Variants in KRT7 observed in about 807,000 individuals in gnomAD.
The protein encoded by KRT7 is keratin 7.
A neutral mutation model predicts 42.8 loss-of-function variants in KRT7; 50 were observed. The observed-to-expected ratio is 1.17, with a 90% CI of 0.93 to 1.48. The LOEUF is 1.48. Among genes scored for constraint, KRT7 ranks in the 40% most tolerant of loss-of-function variants. KRT7 has a pLI of 0.00. For missense variants in KRT7, 588 were observed against 637.6 expected (o/e 0.92, Z 0.84); for synonymous variants, 268 against 266.3 (o/e 1.01, Z -0.06).
intron 2 of KRT7, 39 bp from the exon 3 acceptor site, chr12:52,237,469 AG>A (rs756344182): frequency 1.2e-5 from 18 of 1,479,084 alleles, no homozygotes; most frequent in Non-Finnish European, 8.4e-6. Context: ...GGGAGCATGG[AG>A]GCAAAGCTGC....
chr12:52,237,726 A>ATGTGTGTGTG lies in KRT7; in HGVS notation c.597+184_597+193dup, dbSNP rs10546862. On this transcript the variant is annotated intron_variant, in intron 3 of 8. Coordinates refer to ENST00000331817, the MANE Select transcript of KRT7 (RefSeq NM_005556.4). ...CACAGCCTGTCCTGTGGGTGCGTGT[A>ATGTGTGTGTG]TGTGTGTGTGTGTGTGTGTGTGTGT... 3,180 of 346,238 alleles carry ATGTGTGTGTG rather than the reference A, an allele frequency of 9.2e-3. 27 individuals are homozygous for ATGTGTGTGTG. The highest frequency in any genetic ancestry group is 0.022 in the African/African-American group (997 of 45,394). The allele number at this position is 346,238 out of a possible 1,614,324, so 21.4% of individuals were successfully genotyped here. A position where few individuals can be genotyped will look rare whatever the true frequency, so the allele number is the denominator to read the frequency against.
downstream of KRT7, among the ~76,000 whole-genome samples, chr12:52,249,903 C>T (rs1942237429): frequency 6.6e-6 from 1 of 152,126 alleles, no homozygotes; most frequent in African/African-American, 2.4e-5. Context: ...CCAGCAGCCA[C>T]AGTGATGGGG....
chr12:52,237,583 A>T lies in KRT7; in HGVS notation c.597+14A>T. On this transcript the variant is annotated intron_variant, in intron 3 of 8. Transcript: ENST00000331817. ...GTGCTGAAGAAGGTGAGTGGGAAAGACAGGCTCGAGGAGGGTTGTCTGAAA... is the reference window on the plus strand; with the variant it reads ...GTGCTGAAGAAGGTGAGTGGGAAAGTCAGGCTCGAGGAGGGTTGTCTGAAA... The T allele has an allele frequency of 6.3e-7, 1 of 1,587,624 alleles. No homozygotes were observed. The highest frequency in any genetic ancestry group is 8.5e-7 in the Non-Finnish European group (1 of 1,170,910).
rs755966415 is a variant in KRT7, at chr12:52,245,533, C to A, written c.1106C>A (p.Ala369Glu). The change falls in exon 7 of 9, where the codon GCA becomes GAA. Residue 369 changes from alanine (A) to glutamate (E), a missense_variant. Coordinates refer to ENST00000331817, the MANE Select transcript of KRT7 (RefSeq NM_005556.4). ...CTGCAGCGGGGCAAGCAGGATATGG[C>A]ACGGCAGCTGCGTGAGTACCAGGAA... ...AALQRGKQDM[A>E]RQLREYQELM... 6.2e-6 allele frequency: 10 copies of A among 1,614,138 alleles called. No individual in the cohort carries two copies. In the South Asian group the frequency reaches 1.1e-4, roughly 18 times the overall value.
At chr12:52,250,579 C>T (rs547145805), downstream of KRT7, 937 of 1,266,700 alleles carry the variant, frequency 7.4e-4, 1 homozygote, top group Non-Finnish European at 9.0e-4. Flanking sequence ...CTGCCCGTCA[C>T]CGGCCGGGAG....
intron 7 of KRT7, 59 bp from the exon 8 acceptor site, chr12:52,248,118 G>A: frequency 6.6e-7 from 1 of 1,520,518 alleles, no homozygotes; most frequent in Non-Finnish European, 9.1e-7. Flanking sequence ...AGAGGGCTGA[G>A]AGCGCTTCCC....
chr12:52,250,637 G>C, downstream of KRT7: 2 of 784,030 alleles, frequency 2.6e-6, no homozygotes, highest in Non-Finnish European at 4.2e-6. Context: ...GAGAGCTGCT[G>C]ACACCTGCCA....
chr12:52,235,379 G>A lies in KRT7; in HGVS notation c.536+13G>A. On this transcript the variant is annotated intron_variant, in intron 2 of 8. Coordinates refer to ENST00000331817, the MANE Select transcript of KRT7 (RefSeq NM_005556.4). ...ACTTCAAGAATAAGTAATGCCCCCT[G>A]TGCCACATGCGAAGACCCCTGCCCC... 1.3e-6 allele frequency: 2 copies of A among 1,595,862 alleles called. No homozygotes were observed. The highest frequency in any genetic ancestry group is 2.2e-4 in the Middle Eastern group (1 of 4,582).
intron 2 of KRT7, among the ~76,000 whole-genome samples, chr12:52,236,458 A>G (rs1380455808): frequency 1.3e-5 from 2 of 150,556 alleles, no homozygotes; most frequent in Non-Finnish European, 3.0e-5. Flanking sequence ...AAGGGAGTCC[A>G]GGGAAGGAGT....
At position 52,241,578 on chromosome 12, in the gene KRT7, A is replaced by C. The variant is rs866739676; in HGVS notation, c.800A>C (p.Gln267Pro). ...GGCATCATCGCTGAGGTCAAGGCGC[A>C]GTATGAGGAGATGGCCAAATGCAGC... ...LDGIIAEVKA[Q>P]YEEMAKCSRA... The change falls in exon 5 of 9, where the codon CAG becomes CCG. Residue 267 changes from glutamine (Q) to proline (P), a missense_variant. Physicochemically the swap from Gln to Pro is moderately conservative, Grantham distance 76. Transcript: ENST00000331817. 5.0e-6 allele frequency: 8 copies of C among 1,613,478 alleles called. No homozygotes were observed. The highest frequency in any genetic ancestry group is 1.7e-5 in the Admixed American group (1 of 59,956).
At chr12:52,250,954 G>T (rs1186169643), downstream of KRT7, among the ~76,000 whole-genome samples, 2 of 152,178 alleles carry the variant, frequency 1.3e-5, no homozygotes, top group Non-Finnish European at 2.9e-5. Flanking sequence ...CCTGGGCTCT[G>T]TGGCGAGGGT....
downstream of KRT7, among the ~76,000 whole-genome samples, chr12:52,255,056 A>G (rs1053115233): frequency 1.3e-5 from 2 of 152,266 alleles, no homozygotes; most frequent in African/African-American, 4.8e-5. Context: ...GCAGGGCCGA[A>G]GGAGGTGAAA....
chr12:52,237,721 CGTGTATGTGTGTGTGTGTGT>C (rs1942031355), intron 3 of KRT7, 152 bp downstream of exon 3: 1 of 322,976 alleles, frequency 3.1e-6, no homozygotes, highest in East Asian at 4.8e-5. Flanking sequence ...CCTGTGGGTG[CGTGTATGTGTGTGTGTGTGT>C]GTGTGTGTGT....
downstream of KRT7, chr12:52,254,299 C>A (rs1398499200): frequency 2.0e-6 from 2 of 986,220 alleles, no homozygotes; most frequent in African/African-American, 1.6e-5. Flanking sequence ...GGAAGTCGAT[C>A]TCCTGGGTCA....
chr12:52,239,507 G>A (rs1942056039), intron 4 of KRT7, among the ~76,000 whole-genome samples: 1 of 152,136 alleles, frequency 6.6e-6, no homozygotes, highest in African/African-American at 2.4e-5. Context: ...ATCCCTTCTG[G>A]ACTCAGGAAT....
intron 4 of KRT7, among the ~76,000 whole-genome samples, chr12:52,239,448 T>C (rs189762343): frequency 6.6e-6 from 1 of 152,352 alleles, no homozygotes; most frequent in Admixed American, 6.5e-5. Flanking sequence ...TGGACCATTA[T>C]ATACATTATT....
chr12:52,247,193 C>T (rs552098369), intron 7 of KRT7: 1 of 152,284 alleles, frequency 6.6e-6, no homozygotes, highest in African/African-American at 2.4e-5. Context: ...TGAGAAAAGT[C>T]ACACAGATCA....
chr12:52,249,497 C>T (rs1413684631), downstream of KRT7: 4 of 152,298 alleles, frequency 2.6e-5, no homozygotes, highest in Non-Finnish European at 5.9e-5. Context: ...TCCCCGGTAA[C>T]AGGTCTGTGC....
Position 52,235,463 on chromosome 12 carries a change from C to T in KRT7, c.536+97C>T, listed in dbSNP as rs953642764. 3 of 1,030,342 alleles carry T rather than the reference C, an allele frequency of 2.9e-6. No individual in the cohort carries two copies. In the African/African-American group the frequency reaches 4.8e-5, roughly 17 times the overall value. 63.8% of individuals were successfully genotyped at this position (1,030,342 alleles called of 1,614,324 possible). A position where few individuals can be genotyped will look rare whatever the true frequency, so the allele number is the denominator to read the frequency against. ...CAAGTCCCCCTGCTTCAGGAATCAG[C>T]ATGCAGCTGCTCAGTCCAATAACTC... On this transcript the variant is annotated intron_variant, in intron 2 of 8. Transcript: ENST00000331817.
Sources: gnomAD v4.1 joint callset for allele counts (sites outside exome capture counted in the v4.1 genomes callset) on GRCh38, gnomAD v4.1.1 for gene constraint, MANE v1.5 for transcripts, NCBI Gene and HGNC (gene_info 2026-07-23, HGNC 2026-07-21) for gene names.